The following IL1RL2 variants were observed in gnomAD, a reference collection of about 807,000 sequenced individuals.
IL1RL2 encodes interleukin 1 receptor like 2.
IL1RL2 carries 68 observed loss-of-function variants against 66.8 expected under a neutral mutation model. That is an observed-to-expected ratio of 1.02 (90% CI 0.84 to 1.25). The LOEUF (loss-of-function observed/expected upper bound fraction) is 1.25, where lower values mean the gene tolerates loss of function less well. Among genes scored for constraint, IL1RL2 ranks in the 50% most tolerant of loss-of-function variants. IL1RL2 has a pLI of 0.00. For missense variants in IL1RL2, 729 were observed against 709.3 expected, an observed-to-expected ratio of 1.03 and a Z score of -0.32; for synonymous variants, 305 against 264.6, an observed-to-expected ratio of 1.15 and a Z score of -1.48.
chr2:102,216,126 G>A (rs947007645), intron 6 of IL1RL2, among the ~76,000 whole-genome samples: 9 of 152,036 alleles, frequency 5.9e-5, no homozygotes, highest in African/African-American at 2.2e-4. Context: ...GAGAATACAA[G>A]CAAATAATTT....
At chr2:102,231,086 G>T (rs959902230) in intron 9 of IL1RL2, among the ~76,000 whole-genome samples, 1 of 152,156 alleles carries the variant, frequency 6.6e-6, no homozygotes, top group South Asian at 2.1e-4. Flanking sequence ...GCTCGAAATC[G>T]CGTTTTCCAA....
At chr2:102,228,314 C>A (rs374666151) in intron 9 of IL1RL2, among the ~76,000 whole-genome samples, 4 of 152,058 alleles carry the variant, frequency 2.6e-5, no homozygotes, top group East Asian at 1.9e-4. Context: ...TCAGGAAATA[C>A]CGATTAATGG....
At chr2:102,217,008 C>T (rs1366741686) in intron 6 of IL1RL2, among the ~76,000 whole-genome samples, 1 of 152,094 alleles carries the variant, frequency 6.6e-6, no homozygotes, top group Non-Finnish European at 1.5e-5. Context: ...TTACATAGCG[C>T]CATTTCAGAA....
At position 102,235,278 on chromosome 2, in the gene IL1RL2, G is replaced by A; in HGVS notation, c.1678+1G>A. The A allele has an allele frequency of 6.2e-7, 1 of 1,611,344 alleles. No homozygotes were observed. The highest frequency in any genetic ancestry group is 8.5e-7 in the Non-Finnish European group (1 of 1,178,624). ...CACACACCTTGCTACCGCACCGCAGGTGAGCGGGTGGGAGGACACGAGGTT... is the reference window on the plus strand; with the variant it reads ...CACACACCTTGCTACCGCACCGCAGATGAGCGGGTGGGAGGACACGAGGTT... On this transcript the variant is annotated splice_donor_variant, in intron 11 of 11. Coordinates refer to ENST00000264257, the MANE Select transcript of IL1RL2 (RefSeq NM_003854.4). LOFTEE classifies it high-confidence loss of function.
At chr2:102,241,101 A>G (rs1458438553), downstream of IL1RL2, among the ~76,000 whole-genome samples, 1 of 152,194 alleles carries the variant, frequency 6.6e-6, no homozygotes, top group Non-Finnish European at 1.5e-5. Context: ...GGAGACTTAC[A>G]GGTGGGCGGG....
rs1559530440 is a variant in IL1RL2, at chr2:102,195,645, C to CTCTCTT, written c.489+3528_489+3529insCTTTCT. Among the ~76,000 whole-genome samples, 112 of 20,180 alleles carry CTCTCTT rather than the reference C, an allele frequency of 5.6e-3. 2 individuals are homozygous for CTCTCTT. The highest frequency in any genetic ancestry group is 9.7e-3 in the Non-Finnish European group (78 of 8,078). The allele number at this position is 20,180 out of a possible 152,430, so 13.2% of individuals were successfully genotyped here. ...TCTTTCTTTCTCTCTCTCTCTCTCT[C>CTCTCTT]TCTTTCTTTCTTTCTTTCTTTCTTT... On this transcript the variant is annotated intron_variant, in intron 4 of 11. Transcript: ENST00000264257.
chr2:102,237,395 G>A (rs1261815881), intron 11 of IL1RL2, among the ~76,000 whole-genome samples: 1 of 152,188 alleles, frequency 6.6e-6, no homozygotes. Context: ...GGTCTCACAT[G>A]CACTCCGCAG....
At chr2:102,204,889 T>G (rs1482074807) in intron 5 of IL1RL2, among the ~76,000 whole-genome samples, 4 of 145,476 alleles carry the variant, frequency 2.7e-5, no homozygotes. Flanking sequence ...TCCTGTCATT[T>G]TGTTATTTGT....
chr2:102,187,808 C>T (rs762687680), intron 1 of IL1RL2, 48 bp from the exon 2 acceptor site: 30 of 1,514,050 alleles, frequency 2.0e-5, no homozygotes, highest in East Asian at 1.4e-4. Flanking sequence ...CGCCTCGGGC[C>T]CGCCCTACTG....
At position 102,220,028 on chromosome 2, in the gene IL1RL2, A is replaced by C; in HGVS notation, c.991+11A>C. The C allele has an allele frequency of 6.2e-7, 1 of 1,607,654 alleles. No homozygotes were observed. The highest frequency in any genetic ancestry group is 1.1e-5 in the South Asian group (1 of 90,780). On this transcript the variant is annotated intron_variant, in intron 8 of 11. Coordinates refer to ENST00000264257, the MANE Select transcript of IL1RL2 (RefSeq NM_003854.4). ...TATTACAGCTCCCAGGTAATACTCCAGTGGGTTACACACTGTTCAGAGTGT... is the reference window on the plus strand; with the variant it reads ...TATTACAGCTCCCAGGTAATACTCCCGTGGGTTACACACTGTTCAGAGTGT...
At chr2:102,226,102 C>G (rs35622141) in intron 9 of IL1RL2, 61 bp downstream of exon 9, 1 of 1,320,272 alleles carries the variant, frequency 7.6e-7, no homozygotes, top group South Asian at 1.7e-5. Flanking sequence ...ACATATACAA[C>G]GATTTCAAAT....
In IL1RL2 at chr2:102,235,109, A is replaced by C; in HGVS notation, c.1510A>C (p.Ile504Leu). ...YTVMPESIQY[I>L]KQKHGAIRWH... is the part of the protein sequence containing the mutation. Reference sequence around the variant, plus strand: ...AGTCATGCCAGAGTCAATTCAGTACATCAAACAGAAGCATGGTGCCATCCG... The same window carrying C: ...AGTCATGCCAGAGTCAATTCAGTACCTCAAACAGAAGCATGGTGCCATCCG... The change falls in exon 11 of 12, where the codon ATC becomes CTC. Residue 504 changes from isoleucine to leucine, a missense_variant. Transcript: ENST00000264257. 1 of 1,614,236 alleles carries C rather than the reference A, an allele frequency of 6.2e-7. No homozygotes were observed. Among genetic ancestry groups the C allele is most frequent in the African/African-American group, 1.3e-5 (1 of 75,064 alleles).
intron 4 of IL1RL2, among the ~76,000 whole-genome samples, chr2:102,194,789 C>T (rs1687521316): frequency 6.6e-6 from 1 of 151,910 alleles, no homozygotes; most frequent in Non-Finnish European, 1.5e-5. Flanking sequence ...GCTCTGTTGC[C>T]CCGGCTGGAG....
downstream of IL1RL2, among the ~76,000 whole-genome samples, chr2:102,241,966 G>T (rs1018567579): frequency 2.0e-5 from 3 of 152,240 alleles, no homozygotes; most frequent in African/African-American, 4.8e-5. Context: ...ATAATCCAGT[G>T]CAGGGAGTGG....
chr2:102,230,447 A>G (rs12995229), intron 9 of IL1RL2, among the ~76,000 whole-genome samples: 9,691 of 152,286 alleles, frequency 0.064, 375 homozygotes, highest in Middle Eastern at 0.16. Context: ...TCCCTTTTGT[A>G]CCTGCCCTGT....
chr2:102,194,013 C>G (rs1687452642), intron 4 of IL1RL2, among the ~76,000 whole-genome samples: 1 of 152,010 alleles, frequency 6.6e-6, no homozygotes, highest in Non-Finnish European at 1.5e-5. Context: ...CATAATTGGA[C>G]AAGCTTGTTG....
At chr2:102,211,036 G>T (rs11686153) in intron 5 of IL1RL2, among the ~76,000 whole-genome samples, 42,619 of 152,038 alleles carry the variant, frequency 0.28, 6,601 homozygotes, top group East Asian at 0.39. Flanking sequence ...TGAAAGAAAA[G>T]CTGTTGCCTA....
Position 102,239,352 on chromosome 2 carries a change from C to A in IL1RL2, c.*111C>A. The A allele has an allele frequency of 9.9e-7, 1 of 1,005,034 alleles. No homozygotes were observed. The highest frequency in any genetic ancestry group is 1.6e-6 in the Non-Finnish European group (1 of 633,774). 62.3% of individuals were successfully genotyped at this position (1,005,034 alleles called of 1,614,324 possible). On this transcript the variant is annotated 3_prime_UTR_variant, in exon 12 of 12. Coordinates refer to ENST00000264257, the MANE Select transcript of IL1RL2 (RefSeq NM_003854.4). ...ATGAGGCTAGGGTTAGCATTCTAGA[C>A]ACCCAGTTGAGCTCAGGCGTAGAGA...
At chr2:102,199,960 A>G (rs1472047310) in intron 4 of IL1RL2, among the ~76,000 whole-genome samples, 1 of 152,022 alleles carries the variant, frequency 6.6e-6, no homozygotes, top group Admixed American at 6.6e-5. Context: ...GGTGTTCGAG[A>G]CCAGCCTGGG....
Sources: gnomAD v4.1 joint callset for allele counts (sites outside exome capture counted in the v4.1 genomes callset) on GRCh38, gnomAD v4.1.1 for gene constraint, MANE v1.5 for transcripts, NCBI Gene and HGNC (gene_info 2026-07-23, HGNC 2026-07-21) for gene names.